ANOS1: variants seen among roughly 807,000 people sequenced by gnomAD.
The protein encoded by ANOS1 is anosmin 1.
A neutral mutation model predicts 59.0 loss-of-function variants in ANOS1; 6 were observed. The observed-to-expected ratio is 0.10, with a 90% confidence interval of 0.06 to 0.20. ANOS1 has a LOEUF of 0.20. Among genes scored for constraint, ANOS1 ranks in the 10% least tolerant of loss-of-function variants. ANOS1 has a pLI of 1.00. For missense variants in ANOS1, 433 were observed against 542.3 expected (o/e 0.80, Z 2.00); for synonymous variants, 217 against 223.4 (o/e 0.97, Z 0.25).
At chrX:8,535,867 A>G (rs1438538415) in intron 11 of ANOS1, 56 bp from the exon 12 acceptor site, 32 of 987,718 alleles carry the variant, frequency 3.2e-5, no homozygotes, top group Non-Finnish European at 4.3e-5. Flanking sequence ...GGTGTGCCCA[A>G]GGGATCCATT....
intron 3 of ANOS1, among the ~76,000 whole-genome samples, chrX:8,614,768 T>C (rs1477511639): frequency 2.0e-5 from 2 of 99,190 alleles, no homozygotes; most frequent in Non-Finnish European, 4.1e-5. Context: ...TTTAAATCAT[T>C]CTGAATAATC....
Position 8,676,106 on chromosome X carries a change from TA to T in ANOS1, c.255+23591del. Among the ~76,000 whole-genome samples, 4 of 111,646 alleles carry T rather than the reference TA, an allele frequency of 3.6e-5. No individual in the cohort carries two copies. In the Middle Eastern group the frequency reaches 0.018, roughly 514 times the overall value. On this transcript the variant is annotated intron_variant, in intron 2 of 13. Coordinates refer to ENST00000262648, the MANE Select transcript of ANOS1 (RefSeq NM_000216.4). ...CATTTTCTTTATCCGGTGTATCATA[TA>T]TTTTTTACTTCTGTAAGCAAAATGT...
rs985966338 is a variant in ANOS1, at chrX:8,567,005, A to T, written c.1207+1227T>A. 8.9e-5 allele frequency among the ~76,000 whole-genome samples: 10 copies of T among 111,845 alleles called. No individual in the cohort carries two copies. In the East Asian group the frequency reaches 2.8e-3, roughly 32 times the overall value. ...TGACGGGGTCCTGCTAGCCTAAAAA[A>T]TCAACATCGGAGGAGCCCCTGCGAC... On this transcript the variant is annotated intron_variant, in intron 8 of 13. Coordinates refer to ENST00000262648, the MANE Select transcript of ANOS1 (RefSeq NM_000216.4).
At chrX:8,603,984 G>A (rs946993846) in intron 3 of ANOS1, among the ~76,000 whole-genome samples, 1 of 111,621 alleles carries the variant, frequency 9.0e-6, no homozygotes, top group African/African-American at 3.3e-5. Context: ...AGATGCTGAT[G>A]TCTATCACAT....
chrX:8,600,829 C>T (rs1368651311), intron 3 of ANOS1, among the ~76,000 whole-genome samples: 1 of 112,244 alleles, frequency 8.9e-6, no homozygotes, highest in Non-Finnish European at 1.9e-5. Flanking sequence ...ATTACACACA[C>T]TGAAAGAAAA....
chrX:8,688,016 G>A (rs1190381907), intron 2 of ANOS1, among the ~76,000 whole-genome samples: 1 of 112,312 alleles, frequency 8.9e-6, no homozygotes, highest in Non-Finnish European at 1.9e-5. Flanking sequence ...ACTCCTATGT[G>A]TGATTCGGGA....
intron 8 of ANOS1, chrX:8,566,035 C>A (rs1930105800): frequency 8.0e-6 from 6 of 754,596 alleles, no homozygotes; most frequent in Non-Finnish European, 9.4e-6. Flanking sequence ...TCTGCCCATG[C>A]AATGCGCTTC....
Position 8,731,962 on chromosome X carries a change from G to T in ANOS1, c.75C>A (p.Ala25=). 9.0e-7 allele frequency: 1 copy of T among 1,110,657 alleles called. No individual in the cohort carries two copies. Among genetic ancestry groups the T allele is most frequent in the African/African-American group, 1.9e-5 (1 of 51,973 alleles). 91.5% of individuals were successfully genotyped at this position (1,110,657 alleles called of 1,213,427 possible). Residue 25 remains alanine (A), a synonymous_variant, in exon 1 of 14, where the codon GCC becomes GCA. Coordinates refer to ENST00000262648, the MANE Select transcript of ANOS1 (RefSeq NM_000216.4). ...GCCGCGCAGCAGCCGCGCCGGGGCC[G>T]GCCGCCAGGCAGCCGCTGGAGGCCG... ...WLAASSGCLA[A]GPGAAAARRL...
chrX:8,576,935 G>T (rs143038183), intron 6 of ANOS1, among the ~76,000 whole-genome samples: 462 of 111,680 alleles, frequency 4.1e-3, no homozygotes, highest in African/African-American at 0.014. Flanking sequence ...AGATAGTAAA[G>T]ATTTTAGGCT....
chrX:8,699,050 T>C (rs1423549506), intron 2 of ANOS1, among the ~76,000 whole-genome samples: 2 of 111,644 alleles, frequency 1.8e-5, no homozygotes, highest in Non-Finnish European at 3.8e-5. Context: ...TTGTAAACTT[T>C]ACTCATTTAC....
rs373531927 is a variant in ANOS1, at chrX:8,652,383, G to A, written c.256-28713C>T. The stretch of plus-strand genomic sequence containing the variant: ...TTAGCAAGAAGAAATAAGAGGGAAT[G>A]AGGACATCAAGTGGAATCTGTAAAG... On this transcript the variant is annotated intron_variant, in intron 2 of 13. Coordinates refer to ENST00000262648, the MANE Select transcript of ANOS1 (RefSeq NM_000216.4). 1.9e-4 allele frequency among the ~76,000 whole-genome samples: 21 copies of A among 111,791 alleles called. No individual in the cohort carries two copies. The East Asian group carries it at 2.5e-3, about 13-fold the overall frequency.
chrX:8,600,131 G>A (rs755214311), intron 3 of ANOS1, among the ~76,000 whole-genome samples: 3 of 111,914 alleles, frequency 2.7e-5, no homozygotes, highest in East Asian at 2.8e-4. Flanking sequence ...TAAAATATGC[G>A]TAAGAGTTGA....
intron 3 of ANOS1, among the ~76,000 whole-genome samples, chrX:8,611,763 C>G (rs1217930761): frequency 1.8e-5 from 2 of 110,759 alleles, no homozygotes; most frequent in South Asian, 3.7e-4. Flanking sequence ...AGTGAAGATG[C>G]CTTAAAGACT....
intron 2 of ANOS1, among the ~76,000 whole-genome samples, chrX:8,623,994 A>G (rs1931343622): frequency 9.9e-6 from 1 of 101,175 alleles, no homozygotes; most frequent in South Asian, 4.8e-4. Flanking sequence ...TCAGTAAGAA[A>G]TATTTTCTTT....
chrX:8,549,359 T>A (rs1431739335), intron 9 of ANOS1, among the ~76,000 whole-genome samples: 1 of 112,363 alleles, frequency 8.9e-6, no homozygotes, highest in Non-Finnish European at 1.9e-5. Context: ...TGCACTGAAA[T>A]CATTATTGTA....
At position 8,671,587 on chromosome X, in the gene ANOS1, GTA is replaced by G. The variant is rs752088039; in HGVS notation, c.255+28109_255+28110del. 2.3e-3 allele frequency among the ~76,000 whole-genome samples: 235 copies of G among 102,074 alleles called. 3 individuals are homozygous for G. Among genetic ancestry groups the G allele is most frequent in the African/African-American group, 7.4e-3 (208 of 28,225 alleles). The allele number at this position is 102,074 out of a possible 115,157, so 88.6% of individuals were successfully genotyped here. The stretch of plus-strand genomic sequence containing the variant: ...ATAATGCTGCATATTATGTGTATGA[GTA>G]TATATATATATATATGGTCTTGTAT... On this transcript the variant is annotated intron_variant, in intron 2 of 13. Transcript: ENST00000262648.
intron 2 of ANOS1, among the ~76,000 whole-genome samples, chrX:8,647,059 T>A (rs1931772431): frequency 9.1e-6 from 1 of 110,170 alleles, no homozygotes; most frequent in African/African-American, 3.3e-5. Context: ...TGTTCTACCA[T>A]CAAAGGCAGA....
At chrX:8,701,265 C>T (rs1252539944) in intron 1 of ANOS1, among the ~76,000 whole-genome samples, 2 of 111,165 alleles carry the variant, frequency 1.8e-5, no homozygotes, top group Admixed American at 9.6e-5. Flanking sequence ...TATGTTTGAA[C>T]GTCTAAACTT....
intron 6 of ANOS1, among the ~76,000 whole-genome samples, chrX:8,579,106 C>T (rs1344810755): frequency 1.8e-5 from 2 of 112,130 alleles, no homozygotes; most frequent in African/African-American, 6.5e-5. Flanking sequence ...TGTAAAAATA[C>T]GAATGTTTAT....
Sources: gnomAD v4.1 joint callset for allele counts (sites outside exome capture counted in the v4.1 genomes callset) on GRCh38, gnomAD v4.1.1 for gene constraint, MANE v1.5 for transcripts, NCBI Gene and HGNC (gene_info 2026-07-23, HGNC 2026-07-21) for gene names.